MBNL2: variants seen among roughly 807,000 people sequenced by gnomAD.
MBNL2 encodes the protein muscleblind like splicing regulator 2, also known as muscleblind-like protein 2.
MBNL2 carries 17 observed loss-of-function variants against 41.9 expected under a neutral mutation model. That is an observed-to-expected ratio of 0.41 (90% confidence interval 0.28 to 0.61). The LOEUF is 0.61. Ranked by LOEUF, MBNL2 falls within the 20% of genes least tolerant of loss-of-function variation. The pLI is 0.35. For missense variants in MBNL2, 336 were observed against 505.6 expected (o/e 0.66, Z 3.22); for synonymous variants, 195 against 182.9 (o/e 1.07, Z -0.53).
chr13:97,370,788 AAGTT>A (rs2064297105), intron 8 of MBNL2, among the ~76,000 whole-genome samples: 1 of 152,288 alleles, frequency 6.6e-6, no homozygotes, highest in East Asian at 1.9e-4. Flanking sequence ...ACCTAAGAAA[AAGTT>A]AGTCCTTTGT....
At position 97,366,740 on chromosome 13, in the gene MBNL2, A is replaced by T; in HGVS notation, c.1048+1569A>T. The stretch of plus-strand genomic sequence containing the variant: ...TTTAGAGTTAACATTTACTGCAAAT[A>T]ATGATGTAGCTATGTTTTGTGTTGC... On this transcript the variant is annotated intron_variant, in intron 8 of 8. Coordinates refer to ENST00000679496, the MANE Select transcript of MBNL2 (RefSeq NM_001382683.1). This position sits in a 1 kb window ranked among gnomAD's most constrained non-coding sequence, Gnocchi z 4.7. 1 of 664,386 alleles carries T rather than the reference A, an allele frequency of 1.5e-6. No individual in the cohort carries two copies. Among genetic ancestry groups the T allele is most frequent in the South Asian group, 1.6e-5 (1 of 60,936 alleles). The allele number at this position is 664,386 out of a possible 1,614,324, so 41.2% of individuals were successfully genotyped here. A position where few individuals can be genotyped will look rare whatever the true frequency, so the allele number is the denominator to read the frequency against.
At chr13:97,214,816 A>AT in the MBNL2 span, among the ~76,000 whole-genome samples, 1 of 152,228 alleles carries the variant, frequency 6.6e-6, no homozygotes, top group Admixed American at 6.5e-5. Flanking sequence ...ATGCACAGTG[A>AT]TCCCTCAGCC....
At chr13:97,169,625 A>G in the MBNL2 span, among the ~76,000 whole-genome samples, 6 of 152,182 alleles carry the variant, frequency 3.9e-5, no homozygotes, top group Admixed American at 6.5e-5. Context: ...ACCACATAAT[A>G]GTCTTTCGCA....
intron 2 of MBNL2, among the ~76,000 whole-genome samples, chr13:97,304,393 C>T (rs2057928662): frequency 6.6e-6 from 1 of 152,102 alleles, no homozygotes; most frequent in South Asian, 2.1e-4. Context: ...TATTTACTTA[C>T]CTTCTTACAT....
At chr13:97,320,261 C>CTTT (rs57742449) in intron 2 of MBNL2, among the ~76,000 whole-genome samples, 34 of 134,516 alleles carry the variant, frequency 2.5e-4, no homozygotes, top group African/African-American at 8.7e-4. Context: ...CTGGAAGGGT[C>CTTT]TTTTTTTTTT....
chr13:97,243,356 C>T (rs1258438326), intron 1 of MBNL2, among the ~76,000 whole-genome samples: 8 of 152,082 alleles, frequency 5.3e-5, no homozygotes, highest in Non-Finnish European at 4.4e-5. Flanking sequence ...AGGGGTTGGG[C>T]TACAAAGATG....
chr13:97,341,018 G>T (rs1295221350), intron 3 of MBNL2, among the ~76,000 whole-genome samples: 1 of 152,188 alleles, frequency 6.6e-6, no homozygotes, highest in East Asian at 1.9e-4. Flanking sequence ...GGCTGGGAGG[G>T]TTGAGAATTT....
chr13:97,190,511 A>T, the MBNL2 span, among the ~76,000 whole-genome samples: 63 of 152,372 alleles, frequency 4.1e-4, no homozygotes, highest in African/African-American at 1.5e-3. Flanking sequence ...ATTACAGATC[A>T]GATATTTACT....
At chr13:97,158,368 T>G in the MBNL2 span, among the ~76,000 whole-genome samples, 2 of 152,084 alleles carry the variant, frequency 1.3e-5, no homozygotes, top group Admixed American at 6.6e-5. Flanking sequence ...ATTAATTTTT[T>G]GAAGGGTTTT....
At chr13:97,266,497 A>G (rs2152898904) in intron 1 of MBNL2, among the ~76,000 whole-genome samples, 1 of 152,152 alleles carries the variant, frequency 6.6e-6, no homozygotes, top group Non-Finnish European at 1.5e-5. Context: ...GCAGTCTTAC[A>G]CCCTCCTTCT....
rs138628874 is a variant in MBNL2 at position 97,336,705 on chromosome 13, C to T, written c.339+2265C>T. Among the ~76,000 whole-genome samples, 447 of 152,182 alleles carry T rather than the reference C, an allele frequency of 2.9e-3. 1 individual carries two copies. The highest frequency in any genetic ancestry group is 4.9e-3 in the Non-Finnish European group (336 of 68,010). On this transcript the variant is annotated intron_variant, in intron 3 of 8. Transcript: ENST00000679496. Reference sequence around the variant, plus strand: ...CACCTTGATTTTGGCCCAGTGAAACCGATTTGGAACTTCTGGCCTCCAGGA... The same window carrying T: ...CACCTTGATTTTGGCCCAGTGAAACTGATTTGGAACTTCTGGCCTCCAGGA...
the MBNL2 span, among the ~76,000 whole-genome samples, chr13:97,164,702 A>C: frequency 2.6e-5 from 4 of 152,246 alleles, no homozygotes; most frequent in East Asian, 7.7e-4. Flanking sequence ...AATTTTTACA[A>C]TTAAAAAGGA....
chr13:97,152,518 C>A, the MBNL2 span, among the ~76,000 whole-genome samples: 1 of 151,888 alleles, frequency 6.6e-6, no homozygotes, highest in Non-Finnish European at 1.5e-5. Context: ...ATACTAGAGA[C>A]AAAGAAAAAA....
the MBNL2 span, among the ~76,000 whole-genome samples, chr13:97,174,212 T>C: frequency 6.6e-6 from 1 of 152,180 alleles, no homozygotes; most frequent in Non-Finnish European, 1.5e-5. Flanking sequence ...GGTGGGCAGC[T>C]GGGCATGAGA....
At chr13:97,201,080 A>G in the MBNL2 span, among the ~76,000 whole-genome samples, 2 of 152,144 alleles carry the variant, frequency 1.3e-5, no homozygotes, top group African/African-American at 2.4e-5. Context: ...AAAGAAGAAG[A>G]AGAAAAAAAA....
chr13:97,243,007 C>T (rs2152816095), intron 1 of MBNL2, among the ~76,000 whole-genome samples: 1 of 152,314 alleles, frequency 6.6e-6, no homozygotes, highest in Admixed American at 6.5e-5. Flanking sequence ...CTCCTTCTTG[C>T]CCTCTATCAG....
chr13:97,316,693 T>C (rs2059086802), intron 2 of MBNL2, among the ~76,000 whole-genome samples: 2 of 152,200 alleles, frequency 1.3e-5, no homozygotes, highest in Non-Finnish European at 2.9e-5. Flanking sequence ...TCTTTGCTGC[T>C]GAATTACTTT....
At chr13:97,174,210 G>A in the MBNL2 span, among the ~76,000 whole-genome samples, 1 of 152,168 alleles carries the variant, frequency 6.6e-6, no homozygotes, top group Non-Finnish European at 1.5e-5. Flanking sequence ...TGGGTGGGCA[G>A]CTGGGCATGA....
chr13:97,375,620 C>G (rs144189552), intron 8 of MBNL2, among the ~76,000 whole-genome samples: 1 of 152,352 alleles, frequency 6.6e-6, no homozygotes, highest in East Asian at 1.9e-4. Context: ...CCCACCGGGA[C>G]TCTGTTTCCC....
Sources: gnomAD v4.1 joint callset for allele counts (sites outside exome capture counted in the v4.1 genomes callset) on GRCh38, gnomAD v4.1.1 for gene constraint, Gnocchi (gnomAD v3.1) non-coding constraint, MANE v1.5 for transcripts, NCBI Gene and HGNC (gene_info 2026-07-23, HGNC 2026-07-21) for gene names.